NEB: variants seen among roughly 807,000 people sequenced by gnomAD.
The protein encoded by NEB is nemaline myopathy type 2.
A neutral mutation model predicts 952.2 loss-of-function variants in NEB; 512 were observed. The observed-to-expected ratio is 0.54, with a 90% CI of 0.50 to 0.58. NEB has a LOEUF of 0.58. Ranked by LOEUF, NEB falls within the 20% of genes least tolerant of loss-of-function variation. The pLI, the probability that NEB is intolerant of heterozygous loss-of-function variation, is 0.00. For synonymous variants in NEB, 2,900 were observed against 3,149.8 expected, an observed-to-expected ratio of 0.92 and a Z score of 2.66; for missense variants, 8,428 against 9,231.1, an observed-to-expected ratio of 0.91 and a Z score of 3.56.
At chr2:151,688,661 T>C (rs1212444323) in intron 24 of NEB, among the ~76,000 whole-genome samples, 1 of 152,162 alleles carries the variant, frequency 6.6e-6, no homozygotes, top group Non-Finnish European at 1.5e-5. Flanking sequence ...ATACATACCA[T>C]GTTCTTTCCT....
In NEB at chr2:151,525,202, C is replaced by T; in HGVS notation, c.22233G>A (p.Glu7411=). 5 of 1,613,976 alleles carry T rather than the reference C, an allele frequency of 3.1e-6. No individual in the cohort carries two copies. The highest frequency in any genetic ancestry group is 4.2e-6 in the Non-Finnish European group (5 of 1,179,842). ...TGGCCACTTCCATAGCATGTTTCAC[C>T]TCTGGTGGCTCCAGCATGATGGAGT... ...SNYSIMLEPP[E]VKHAMEVAKK... Residue 7411 remains glutamate (E), a synonymous_variant, in exon 151 of 182, where the codon GAG becomes GAA. Transcript: ENST00000397345.
chr2:151,685,127 C>T (rs977796642), intron 27 of NEB, among the ~76,000 whole-genome samples, 152 bp from the exon 28 acceptor site: 2 of 152,016 alleles, frequency 1.3e-5, no homozygotes, highest in African/African-American at 2.4e-5. Context: ...ATGTTACATA[C>T]CATTGAAATT....
chr2:151,672,837 T>C (rs1047023302), intron 36 of NEB, among the ~76,000 whole-genome samples, 157 bp from the exon 37 acceptor site: 8 of 152,198 alleles, frequency 5.3e-5, no homozygotes, highest in African/African-American at 1.9e-4. Context: ...AGTGAAAACA[T>C]ATATTGGAGT....
At chr2:151,555,831 A>G (rs1285446764) in intron 124 of NEB, among the ~76,000 whole-genome samples, 1 of 151,130 alleles carries the variant, frequency 6.6e-6, no homozygotes, top group African/African-American at 2.4e-5. Context: ...CATCTAATCT[A>G]TTTCTCAGCT....
intron 72 of NEB, 122 bp downstream of exon 72, chr2:151,620,797 C>T (rs2098400350): frequency 1.5e-6 from 1 of 680,608 alleles, no homozygotes; most frequent in Non-Finnish European, 2.4e-6. Flanking sequence ...GTATCTCAAC[C>T]CTCAGTATAT....
chr2:151,494,569 G>A (rs1213514060), intron 173 of NEB, among the ~76,000 whole-genome samples: 3 of 152,290 alleles, frequency 2.0e-5, no homozygotes, highest in East Asian at 3.9e-4. Context: ...CCAAACAGGA[G>A]TTACAGGCAT....
intron 159 of NEB, 137 bp downstream of exon 159, chr2:151,514,180 AT>A (rs2076316688): frequency 1.5e-6 from 1 of 652,956 alleles, no homozygotes; most frequent in African/African-American, 1.8e-5. Context: ...GTTAACAATT[AT>A]GTTGATATGG....
Position 151,604,616 on chromosome 2 carries a change from G to C in NEB, c.13003C>G (p.Leu4335Val). The part of the protein sequence containing the change: ...YRNYLHQWTC[L>V]PDQNDVIQAK... ...TGGATCACATCGTTCTGATCTGGCA[G>C]ACACGTCCACTGGTGCAGATAATTG... Residue 4335 changes from leucine to valine, a missense_variant, in exon 85 of 182, where the codon CTG (leucine) becomes GTG (valine). Leu to Val is a conservative substitution (Grantham distance 32). Transcript: ENST00000397345. 1 of 398,152 alleles carries C rather than the reference G, an allele frequency of 2.5e-6. No homozygotes were observed. Among genetic ancestry groups the C allele is most frequent in the Non-Finnish European group, 4.1e-6 (1 of 242,060 alleles). The allele number at this position is 398,152 out of a possible 1,614,324, so 24.7% of individuals were successfully genotyped here. A position where few individuals can be genotyped will look rare whatever the true frequency, so the allele number is the denominator to read the frequency against.
intron 80 of NEB, 51 bp downstream of exon 80, chr2:151,610,465 G>T: frequency 7.1e-7 from 1 of 1,405,022 alleles, no homozygotes; most frequent in Non-Finnish European, 1.0e-6. Flanking sequence ...GCCACCCTCT[G>T]GGTTGTTCAG....
intron 121 of NEB, 87 bp downstream of exon 121, chr2:151,562,023 C>A: frequency 2.9e-6 from 3 of 1,047,878 alleles, no homozygotes; most frequent in Non-Finnish European, 3.0e-6. Flanking sequence ...GTTACAGCAA[C>A]TTTCTTTGCC....
chr2:151,518,885 G>A, intron 155 of NEB, 80 bp downstream of exon 155: 1 of 872,974 alleles, frequency 1.1e-6, no homozygotes, highest in Non-Finnish European at 1.9e-6. Flanking sequence ...TAGCAGAGAA[G>A]AAGATGCATC....
chr2:151,681,134 GA>G (rs753885527), intron 29 of NEB, among the ~76,000 whole-genome samples: 1 of 152,148 alleles, frequency 6.6e-6, no homozygotes, highest in Non-Finnish European at 1.5e-5. Flanking sequence ...GCAGAATCTG[GA>G]AACATCACAG....
intron 153 of NEB, among the ~76,000 whole-genome samples, chr2:151,521,921 G>A (rs1381165179): frequency 6.6e-6 from 1 of 152,148 alleles, no homozygotes; most frequent in African/African-American, 2.4e-5. Flanking sequence ...ACATGTACCA[G>A]GTTTAGGACT....
rs893739378 is a variant in NEB at position 151,526,838 on chromosome 2, T to C, written c.21945+80A>G. On this transcript the variant is annotated intron_variant, in intron 148 of 181. Transcript: ENST00000397345. Reference sequence around the variant, plus strand: ...GATGGAAGCAGCTCTTCTCCATCCTTCCCTGGTGTCCCTGGGGACTGTACC... The same window carrying C: ...GATGGAAGCAGCTCTTCTCCATCCTCCCCTGGTGTCCCTGGGGACTGTACC... 1.1e-5 allele frequency: 11 copies of C among 1,039,580 alleles called. No homozygotes were observed. In the East Asian group the frequency reaches 1.3e-4, roughly 12 times the overall value. 64.4% of individuals were successfully genotyped at this position (1,039,580 alleles called of 1,614,324 possible). A position where few individuals can be genotyped will look rare whatever the true frequency, so the allele number is the denominator to read the frequency against.
At chr2:151,712,422 A>T (rs1200995797) in intron 10 of NEB, among the ~76,000 whole-genome samples, 1 of 152,198 alleles carries the variant, frequency 6.6e-6, no homozygotes, top group African/African-American at 2.4e-5. Context: ...TTTCAAGAAG[A>T]TATTAAAACA....
rs750905463 is a variant in NEB, at chr2:151,567,236, G to T, written c.18088C>A (p.Gln6030Lys). 3.1e-6 allele frequency: 5 copies of T among 1,613,776 alleles called. No homozygotes were observed. Among genetic ancestry groups the T allele is most frequent in the Non-Finnish European group, 4.2e-6 (5 of 1,179,788 alleles). Residue 6030 changes from glutamine (Q) to lysine (K), a missense_variant, in exon 114 of 182, where the codon CAA becomes AAA. Around this residue, in one of 11 missense-constraint regions of NEB, gnomAD observed 3,374 missense variants for 3,651.5 expected, o/e 0.92. Transcript: ENST00000397345. ...TTCTGGTCAGGATGACACATCCATT[G>T]GTGCAAGTAATTACGATAATCAATA... ...SDIDYRNYLHQWMCHPDQNDV... is the reference protein window; with the variant it reads ...SDIDYRNYLHKWMCHPDQNDV...
In NEB at chr2:151,565,803, G is replaced by A; in HGVS notation, c.18174C>T (p.Asp6058=). The change falls in exon 115 of 182, where the codon GAC becomes GAT. Residue 6058 remains aspartate, a synonymous_variant. Coordinates refer to ENST00000397345, the MANE Select transcript of NEB (RefSeq NM_001164508.2). ...AGCCAATGCCTCGGAGCCACTCCAGGTCAGCTCTGTAGACATTCTGAGAGC... is the reference window on the plus strand; with the variant it reads ...AGCCAATGCCTCGGAGCCACTCCAGATCAGCTCTGTAGACATTCTGAGAGC... ...DLQSDNVYRA[D]LEWLRGIGWI... 1 of 1,610,122 alleles carries A rather than the reference G, an allele frequency of 6.2e-7. No individual in the cohort carries two copies. Among genetic ancestry groups the A allele is most frequent in the Non-Finnish European group, 8.5e-7 (1 of 1,177,966 alleles).
intron 128 of NEB, 33 bp downstream of exon 128, chr2:151,552,639 A>T (rs1435853130): frequency 6.7e-7 from 1 of 1,494,082 alleles, no homozygotes; most frequent in East Asian, 2.3e-5. Flanking sequence ...CTGCTTTATT[A>T]CTGTCCACTT....
At chr2:151,664,474 C>G (rs2099186778) in intron 44 of NEB, 27 bp downstream of exon 44, 4 of 1,508,724 alleles carry the variant, frequency 2.7e-6, no homozygotes, top group Non-Finnish European at 3.6e-6. Flanking sequence ...TTGCTCAACC[C>G]CAAAAAGGCC....
Sources: gnomAD v4.1 joint callset for allele counts (sites outside exome capture counted in the v4.1 genomes callset) on GRCh38, gnomAD v4.1.1 for gene constraint, gnomAD v4.1.1 regional missense constraint, MANE v1.5 for transcripts, NCBI Gene and HGNC (gene_info 2026-07-23, HGNC 2026-07-21) for gene names.